Variants in MECOM observed in about 807,000 individuals in gnomAD.
The protein encoded by MECOM is MDS1 and EVI1 complex locus, also known as histone-lysine N-methyltransferase MECOM.
In MECOM, 13 loss-of-function variants were observed where a neutral mutation model predicts 116.3. The ratio of observed to expected loss-of-function variants is 0.11; its 90% CI spans 0.07 to 0.18. The LOEUF is 0.18. Among genes scored for constraint, MECOM ranks in the 10% least tolerant of loss-of-function variants. MECOM has a pLI of 1.00. For missense variants in MECOM, 1,299 were observed against 1,509.0 expected (o/e 0.86, Z 2.31); for synonymous variants, 528 against 535.2 (o/e 0.99, Z 0.19).
At chr3:169,376,979 A>G (rs1731150343) in intron 2 of MECOM, among the ~76,000 whole-genome samples, 2 of 152,098 alleles carry the variant, frequency 1.3e-5, no homozygotes, top group Non-Finnish European at 2.9e-5. Context: ...CAAAACGGAT[A>G]AAGTAGACCA....
intron 3 of MECOM, among the ~76,000 whole-genome samples, chr3:169,141,009 C>T (rs1432298315): frequency 1.3e-5 from 2 of 152,002 alleles, no homozygotes; most frequent in Non-Finnish European, 2.9e-5. Context: ...TTTAATATGG[C>T]TCCTCCATAT....
chr3:169,311,093 C>A (rs535601916), intron 2 of MECOM, among the ~76,000 whole-genome samples: 2 of 152,294 alleles, frequency 1.3e-5, no homozygotes, highest in East Asian at 3.9e-4. Context: ...CTGTTCTTCA[C>A]AATGACTCTT....
intron 2 of MECOM, among the ~76,000 whole-genome samples, chr3:169,377,355 C>T (rs1207269869): frequency 1.3e-5 from 2 of 152,100 alleles, no homozygotes; most frequent in African/African-American, 2.4e-5. Flanking sequence ...TTCTGCACAG[C>T]AAAAGAAACT....
At chr3:169,598,840 G>A (rs534177637) in intron 1 of MECOM, among the ~76,000 whole-genome samples, 72 of 152,180 alleles carry the variant, frequency 4.7e-4, no homozygotes, top group South Asian at 8.3e-4. Flanking sequence ...TGAGGCCAGA[G>A]TGAAGAAGAA....
At chr3:169,480,654 T>C (rs7611501) in intron 1 of MECOM, among the ~76,000 whole-genome samples, 139,929 of 152,254 alleles carry the variant, frequency 0.92, 64,401 homozygotes, top group African/African-American at 0.96. Flanking sequence ...AGCTGGTTGG[T>C]TGATGATAGG....
Position 169,544,432 on chromosome 3 carries a change from T to C in MECOM, c.37+118904A>G, listed in dbSNP as rs555001754. Among the ~76,000 whole-genome samples, 9 of 152,362 alleles carry C rather than the reference T, an allele frequency of 5.9e-5. No homozygotes were observed. The South Asian group carries it at 1.9e-3, about 32-fold the overall frequency. On this transcript the variant is annotated intron_variant, in intron 1 of 16. Transcript: ENST00000651503. ...TTTCTGGTTCTAGATCTTTGAGGAA[T>C]CGCCACACTGCCTTCCACAATGGTT...
chr3:169,604,627 C>T (rs1768273188), intron 1 of MECOM, among the ~76,000 whole-genome samples: 1 of 152,204 alleles, frequency 6.6e-6, no homozygotes, highest in Admixed American at 6.5e-5. Context: ...CAGCTGTCCT[C>T]TCCAAACCCC....
intron 1 of MECOM, among the ~76,000 whole-genome samples, chr3:169,473,705 G>A (rs1220884387): frequency 3.3e-5 from 5 of 152,064 alleles, no homozygotes; most frequent in Non-Finnish European, 5.9e-5. Context: ...GGGGGCAGAG[G>A]TTGTAGTGAG....
At chr3:169,503,732 C>A (rs781638705) in intron 1 of MECOM, among the ~76,000 whole-genome samples, 1 of 152,138 alleles carries the variant, frequency 6.6e-6, no homozygotes, top group African/African-American at 2.4e-5. Flanking sequence ...GTAGTTATTT[C>A]TTTAAAACCT....
chr3:169,327,213 T>C (rs945229985), intron 2 of MECOM, among the ~76,000 whole-genome samples: 1 of 152,226 alleles, frequency 6.6e-6, no homozygotes, highest in Non-Finnish European at 1.5e-5. Flanking sequence ...TTTGCATTTA[T>C]GGTCATGTAT....
chr3:169,506,861 G>A (rs1755296906), intron 1 of MECOM, among the ~76,000 whole-genome samples: 2 of 152,194 alleles, frequency 1.3e-5, no homozygotes, highest in South Asian at 4.1e-4. Flanking sequence ...CCTTTGAACA[G>A]TGTGTGTATC....
intron 1 of MECOM, among the ~76,000 whole-genome samples, chr3:169,589,456 A>G (rs1766148986): frequency 6.6e-6 from 1 of 152,084 alleles, no homozygotes; most frequent in Non-Finnish European, 1.5e-5. Context: ...AGTAGATTCT[A>G]CTTTAAACTT....
intron 2 of MECOM, among the ~76,000 whole-genome samples, chr3:169,253,127 A>G (rs1478443589): frequency 2.0e-5 from 3 of 152,204 alleles, no homozygotes; most frequent in Admixed American, 1.3e-4. Context: ...TCTGCCAAGC[A>G]TAAATAAATG....
intron 2 of MECOM, among the ~76,000 whole-genome samples, chr3:169,309,019 C>T (rs1357957251): frequency 6.6e-6 from 1 of 152,138 alleles, no homozygotes; most frequent in Non-Finnish European, 1.5e-5. Flanking sequence ...GGTGACTATC[C>T]ATCATATAAC....
At chr3:169,602,922 T>C (rs1026991927) in intron 1 of MECOM, among the ~76,000 whole-genome samples, 19 of 152,194 alleles carry the variant, frequency 1.2e-4, no homozygotes, top group African/African-American at 3.9e-4. Flanking sequence ...TTATTATATG[T>C]GGTGAATAAG....
At chr3:169,568,090 C>A (rs750538148) in intron 1 of MECOM, among the ~76,000 whole-genome samples, 2 of 152,240 alleles carry the variant, frequency 1.3e-5, no homozygotes, top group East Asian at 3.9e-4. Flanking sequence ...CAGGATGGGG[C>A]GTCACCTCAC....
chr3:169,213,447 A>G (rs1442249735), intron 2 of MECOM, among the ~76,000 whole-genome samples: 1 of 152,126 alleles, frequency 6.6e-6, no homozygotes, highest in Non-Finnish European at 1.5e-5. Flanking sequence ...AAATGTTTAT[A>G]CCATGTGAAA....
intron 2 of MECOM, among the ~76,000 whole-genome samples, chr3:169,249,336 G>A (rs13076361): frequency 0.096 from 14,637 of 152,110 alleles, 910 homozygotes; most frequent in Non-Finnish European, 0.14. Context: ...TAGTGCTGCT[G>A]ATAAATATTC....
intron 3 of MECOM, among the ~76,000 whole-genome samples, chr3:169,136,349 T>TA (rs1736371105): frequency 6.6e-6 from 1 of 151,442 alleles, no homozygotes; most frequent in Admixed American, 6.6e-5. Flanking sequence ...TAATTCTATA[T>TA]AATAAGAATG....
Sources: allele counts gnomAD v4.1 joint callset (sites outside exome capture counted in the v4.1 genomes callset), GRCh38; gene constraint gnomAD v4.1.1; transcripts MANE v1.5; gene names NCBI Gene and HGNC (gene_info 2026-07-23, HGNC 2026-07-21).